The following FERMT3 variants were observed in gnomAD, a reference collection of about 807,000 sequenced individuals.
FERMT3 encodes FERM domain containing kindlin 3.
In FERMT3, 33 loss-of-function variants were observed where a neutral mutation model predicts 80.8. That is an observed-to-expected ratio of 0.41 (90% confidence interval 0.31 to 0.55). FERMT3 has a LOEUF of 0.55. FERMT3 is among the 20% of genes least tolerant of loss of function. The pLI is 0.31. For missense variants in FERMT3, 754 were observed against 908.7 expected (o/e 0.83, Z 2.19); for synonymous variants, 375 against 372.2 (o/e 1.01, Z -0.09).
Position 64,221,155 on chromosome 11 carries a change from C to A in FERMT3, c.1670+15C>A. 6.2e-7 allele frequency: 1 copy of A among 1,605,610 alleles called. No individual in the cohort carries two copies. On this transcript the variant is annotated intron_variant, in intron 13 of 14. Coordinates refer to ENST00000345728, the MANE Select transcript of FERMT3 (RefSeq NM_031471.6). ...GTCATGGTCAGGTATGGCCCCTGGC[C>A]CAGCCCCCTGCCCAGCACCGTCTCT... is the stretch of plus-strand genomic sequence containing the variant.
chr11:64,216,083 C>T (rs1410380519), intron 6 of FERMT3, among the ~76,000 whole-genome samples: 7 of 151,856 alleles, frequency 4.6e-5, no homozygotes, highest in South Asian at 4.1e-4. Context: ...CCGCCCGCCT[C>T]GGCCTCCCAA....
intron 10 of FERMT3, 38 bp downstream of exon 10, chr11:64,220,053 C>G: frequency 6.2e-7 from 1 of 1,611,512 alleles, no homozygotes; most frequent in Non-Finnish European, 8.5e-7. Context: ...GGGGGGATCC[C>G]CACTTGTGGG....
rs778799174 is a variant in FERMT3 at position 64,207,405 on chromosome 11, C to A, written c.41C>A (p.Ser14Ter). 2 of 1,614,168 alleles carry A rather than the reference C, an allele frequency of 1.2e-6. No individual in the cohort carries two copies. Among genetic ancestry groups the A allele is most frequent in the Non-Finnish European group, 1.7e-6 (2 of 1,180,022 alleles). ...ACAGCCTCCGGGGACTACATCGACT[C>A]GTCATGGGAGCTGCGGGTGTTTGTG... ...MKTASGDYID[S>*]SWELRVFVGE... The change falls in exon 2 of 15, where the codon TCG (serine) becomes TAG (stop). Residue 14 changes from serine to a stop codon, truncating the protein, a stop_gained. Coordinates refer to ENST00000345728, the MANE Select transcript of FERMT3 (RefSeq NM_031471.6). LOFTEE classifies it high-confidence loss of function.
rs11231726 is a variant in FERMT3, at chr11:64,219,867, C to T, written c.1080-24C>T. On this transcript the variant is annotated intron_variant, in intron 9 of 14. Transcript: ENST00000345728. This position sits in a 1 kb window ranked among gnomAD's most constrained non-coding sequence, Gnocchi z 4.0. ...GGAGGGAGGGGGTGAGGCGGCCTTT[C>T]ACAAACCCCAGCATCCCACGAAGGC... The T allele has an allele frequency of 0.15, 238,199 of 1,613,730 alleles. 19,072 individuals carry two copies. Among genetic ancestry groups the T allele is most frequent in the Non-Finnish European group, 0.17 (198,884 of 1,179,956 alleles).
chr11:64,210,982 A>T lies in FERMT3; in HGVS notation c.395-70A>T. ...TGCCTGCAGGGCTGTGACCCGCCCCAAGCACCCATGGGTGAGGTGGGGAGG... is the reference window on the plus strand; with the variant it reads ...TGCCTGCAGGGCTGTGACCCGCCCCTAGCACCCATGGGTGAGGTGGGGAGG... On this transcript the variant is annotated intron_variant, in intron 3 of 14. Coordinates refer to ENST00000345728, the MANE Select transcript of FERMT3 (RefSeq NM_031471.6). The surrounding 1 kb of genome is among the most constrained non-coding windows in gnomAD (Gnocchi z 4.3). 6.2e-7 allele frequency: 1 copy of T among 1,608,218 alleles called. No individual in the cohort carries two copies. The highest frequency in any genetic ancestry group is 8.5e-7 in the Non-Finnish European group (1 of 1,177,634).
Position 64,211,126 on chromosome 11 carries a change from C to G in FERMT3, c.469C>G (p.Pro157Ala). The G allele has an allele frequency of 6.4e-7, 1 of 1,557,844 alleles. No homozygotes were observed. Among genetic ancestry groups the G allele is most frequent in the Non-Finnish European group, 8.7e-7 (1 of 1,150,648 alleles). Residue 157 changes from proline (P) to alanine (A), a missense_variant, in exon 4 of 15, where the codon CCA becomes GCA. Coordinates refer to ENST00000345728, the MANE Select transcript of FERMT3 (RefSeq NM_031471.6). This position sits in a 1 kb window ranked among gnomAD's most constrained non-coding sequence, Gnocchi z 4.7. Reference protein sequence around the residue: ...KKEKKKKEKEPEEELYDLSKV... With the variant: ...KKEKKKKEKEAEEELYDLSKV... ...GGAGAAGAAGAAGAAAGAGAAGGAGCCAGAGGAAGAGCTCTATGACTTGAG... is the reference window on the plus strand; with the variant it reads ...GGAGAAGAAGAAGAAAGAGAAGGAGGCAGAGGAAGAGCTCTATGACTTGAG...
Position 64,220,574 on chromosome 11 carries a change from G to C in FERMT3, c.1450G>C (p.Gly484Arg), listed in dbSNP as rs775062776. ...GCAGCGCACGGGCAGTGGGGGCCCG[G>C]GCAACCACCCCCACGGCCCTGATGC... Reference protein sequence around the residue: ...SLQRTGSGGPGNHPHGPDASA... With the variant: ...SLQRTGSGGPRNHPHGPDASA... The change falls in exon 12 of 15, where the codon GGC becomes CGC. Residue 484 changes from glycine (G) to arginine (R), a missense_variant. Transcript: ENST00000345728. The C allele has an allele frequency of 5.0e-6, 8 of 1,608,346 alleles. No homozygotes were observed. The highest frequency in any genetic ancestry group is 6.8e-6 in the Non-Finnish European group (8 of 1,177,848).
chr11:64,213,343 A>G (rs1237245114), intron 6 of FERMT3, among the ~76,000 whole-genome samples: 2 of 147,808 alleles, frequency 1.4e-5, no homozygotes, highest in African/African-American at 2.5e-5. Flanking sequence ...GTTTCACCAT[A>G]TTGGTCAGGC....
At chr11:64,207,131 G>T (rs1000698758) in intron 1 of FERMT3, among the ~76,000 whole-genome samples, 1 of 152,224 alleles carries the variant, frequency 6.6e-6, no homozygotes, top group Non-Finnish European at 1.5e-5. Context: ...GATGGGAGCG[G>T]ATTGGACTAC....
chr11:64,219,030 A>C lies in FERMT3; in HGVS notation c.787-221A>C, dbSNP rs1254247579. Among the ~76,000 whole-genome samples the C allele has an allele frequency of 6.6e-6, 1 of 152,196 alleles. No individual in the cohort carries two copies. The highest frequency in any genetic ancestry group is 6.5e-5 in the Admixed American group (1 of 15,280). The stretch of plus-strand genomic sequence containing the variant: ...GCCAGCACACAGTAAACATCAGCAC[A>C]ACCAAGCCAAGGTTTAGACGTGCAG... On this transcript the variant is annotated intron_variant, in intron 6 of 14. Coordinates refer to ENST00000345728, the MANE Select transcript of FERMT3 (RefSeq NM_031471.6). This position sits in a 1 kb window ranked among gnomAD's most constrained non-coding sequence, Gnocchi z 4.0.
chr11:64,209,889 G>A (rs1437236056), intron 2 of FERMT3, among the ~76,000 whole-genome samples: 1 of 152,196 alleles, frequency 6.6e-6, no homozygotes, highest in African/African-American at 2.4e-5. Context: ...GGAGGGAGGA[G>A]GCGGGGAGAC....
intron 2 of FERMT3, among the ~76,000 whole-genome samples, chr11:64,209,453 G>A (rs1298656913): frequency 6.6e-6 from 1 of 152,186 alleles, no homozygotes; most frequent in Non-Finnish European, 1.5e-5. Context: ...GGACCTGGCC[G>A]AGGCAGGAGA....
rs34119299 is a variant in FERMT3 at position 64,222,563 on chromosome 11, CAAAAA to C, written c.1671-467_1671-463del. On this transcript the variant is annotated intron_variant, in intron 13 of 14. Coordinates refer to ENST00000345728, the MANE Select transcript of FERMT3 (RefSeq NM_031471.6). ...CTGGCAACAAAGCGACACTCCGTCT[CAAAAA>C]AAAAAAAAAAAAAAAAAGAGATTTC... Among the ~76,000 whole-genome samples, 651 of 83,444 alleles carry C rather than the reference CAAAAA, an allele frequency of 7.8e-3. 2 individuals are homozygous for C. Among genetic ancestry groups the C allele is most frequent in the African/African-American group, 0.032 (628 of 19,704 alleles). The allele number at this position is 83,444 out of a possible 152,430, so 54.7% of individuals were successfully genotyped here. A position where few individuals can be genotyped will look rare whatever the true frequency, so the allele number is the denominator to read the frequency against.
At chr11:64,222,563 C>CAAAAA (rs34119299) in intron 13 of FERMT3, among the ~76,000 whole-genome samples, 1 of 83,446 alleles carries the variant, frequency 1.2e-5, no homozygotes, top group African/African-American at 5.1e-5. Flanking sequence ...CACTCCGTCT[C>CAAAAA]AAAAAAAAAA....
intron 13 of FERMT3, among the ~76,000 whole-genome samples, chr11:64,221,929 A>AAAAAC (rs995840315): frequency 6.8e-6 from 1 of 147,258 alleles, no homozygotes; most frequent in East Asian, 2.0e-4. Context: ...TCTGCCTCCA[A>AAAAAC]AAAACAAAAC....
At position 64,220,169 on chromosome 11, in the gene FERMT3, A is replaced by T. The variant is rs138055838; in HGVS notation, c.1205-51A>T. 0.019 allele frequency: 30,613 copies of T among 1,584,800 alleles called. 581 individuals are homozygous for T. The highest frequency in any genetic ancestry group is 0.078 in the South Asian group (7,039 of 90,488). On this transcript the variant is annotated intron_variant, in intron 10 of 14. Coordinates refer to ENST00000345728, the MANE Select transcript of FERMT3 (RefSeq NM_031471.6). Reference sequence around the variant, plus strand: ...GGGCTAGGATGCACTCCAGGACCTCAGGCGGCTCTTCCCCTCCCGACCTCC... The same window carrying T: ...GGGCTAGGATGCACTCCAGGACCTCTGGCGGCTCTTCCCCTCCCGACCTCC...
intron 2 of FERMT3, among the ~76,000 whole-genome samples, chr11:64,208,435 G>A (rs148975234): frequency 3.4e-4 from 52 of 152,340 alleles, no homozygotes; most frequent in Non-Finnish European, 7.5e-4. Context: ...TGCTCTACCC[G>A]CTGCTGGGCA....
At chr11:64,215,384 A>G (rs1371219290) in intron 6 of FERMT3, among the ~76,000 whole-genome samples, 3 of 152,064 alleles carry the variant, frequency 2.0e-5, no homozygotes, top group Non-Finnish European at 2.9e-5. Flanking sequence ...CAATTGTCAT[A>G]TTGAGTCGTT....
chr11:64,209,579 G>A (rs756653432), intron 2 of FERMT3, among the ~76,000 whole-genome samples: 5 of 152,200 alleles, frequency 3.3e-5, no homozygotes, highest in South Asian at 2.1e-4. Context: ...AAGGGGATGC[G>A]GCGGCACACA....
Sources: allele counts gnomAD v4.1 joint callset (sites outside exome capture counted in the v4.1 genomes callset), GRCh38; gene constraint gnomAD v4.1.1; non-coding constraint Gnocchi (gnomAD v3.1); transcripts MANE v1.5; gene names NCBI Gene and HGNC (gene_info 2026-07-23, HGNC 2026-07-21).